The following EPB41L4B variants were observed in gnomAD, a reference collection of about 807,000 sequenced individuals.
EPB41L4B encodes the protein erythrocyte membrane protein band 4.1 like 4B.
EPB41L4B carries 30 observed loss-of-function variants against 112.5 expected under a neutral mutation model. That is an observed-to-expected ratio of 0.27 (90% confidence interval 0.20 to 0.36). The LOEUF (loss-of-function observed/expected upper bound fraction) is 0.36, where lower values mean the gene tolerates loss of function less well. Ranked by LOEUF, EPB41L4B falls within the 10% of genes least tolerant of loss-of-function variation. The probability of loss-of-function intolerance (pLI) is 1.00; values close to 1 mark genes in which losing one functional copy is unlikely to be tolerated. For missense variants in EPB41L4B, 1,024 were observed against 1,133.3 expected (o/e 0.90, Z 1.38); for synonymous variants, 408 against 439.7 (o/e 0.93, Z 0.90).
At chr9:109,270,855 A>T (rs1442181390) in intron 2 of EPB41L4B, among the ~76,000 whole-genome samples, 2 of 152,166 alleles carry the variant, frequency 1.3e-5, no homozygotes, top group African/African-American at 4.8e-5. Context: ...TATTACCATC[A>T]CTTGAGGAAC....
Position 109,258,302 on chromosome 9 carries a change from A to C in EPB41L4B, c.632-5T>G. 1 of 1,610,252 alleles carries C rather than the reference A, an allele frequency of 6.2e-7. No individual in the cohort carries two copies. Among genetic ancestry groups the C allele is most frequent in the Non-Finnish European group, 8.5e-7 (1 of 1,177,502 alleles). The stretch of plus-strand genomic sequence containing the variant: ...GCTCGCACTCCCCAAGCTCCGCTGT[A>C]AGTTTCATAAAAGGGAGGAAAATAG... On this transcript the variant is annotated splice_region_variant and splice_polypyrimidine_tract_variant and intron_variant, in intron 6 of 25. Transcript: ENST00000374566.
At chr9:109,298,272 C>T (rs964442141) in intron 1 of EPB41L4B, among the ~76,000 whole-genome samples, 2 of 151,190 alleles carry the variant, frequency 1.3e-5, no homozygotes, top group Non-Finnish European at 2.9e-5. Context: ...TTAGCCTTTC[C>T]TTACCCATTC....
At chr9:109,215,139 A>G (rs1833315556) in intron 16 of EPB41L4B, among the ~76,000 whole-genome samples, 1 of 152,176 alleles carries the variant, frequency 6.6e-6, no homozygotes, top group South Asian at 2.1e-4. Context: ...GACTCACACA[A>G]TATCAGAGCT....
rs1251846010 is a variant in EPB41L4B, at chr9:109,320,644, C to G, written c.-198G>C. 1 of 148,926 alleles carries G rather than the reference C, an allele frequency of 6.7e-6. No homozygotes were observed. The highest frequency in any genetic ancestry group is 2.5e-5 in the African/African-American group (1 of 40,474). 9.2% of individuals were successfully genotyped at this position (148,926 alleles called of 1,614,324 possible). On this transcript the variant is annotated 5_prime_UTR_variant, in exon 1 of 26. Transcript: ENST00000374566. ...CTAGCCGCCTGCGGGGCGCGCCGGC[C>G]CGGCCAGCGCCGGCTGCGAGTGGCC...
chr9:109,192,006 G>A (rs1281473019), intron 22 of EPB41L4B, among the ~76,000 whole-genome samples: 1 of 152,168 alleles, frequency 6.6e-6, no homozygotes, highest in Non-Finnish European at 1.5e-5. Flanking sequence ...AAAACACCGA[G>A]GAGCCCTATA....
intron 13 of EPB41L4B, among the ~76,000 whole-genome samples, chr9:109,248,693 C>G (rs1448832264): frequency 1.3e-5 from 2 of 152,108 alleles, no homozygotes; most frequent in Non-Finnish European, 2.9e-5. Flanking sequence ...AATCCTCCAG[C>G]CTCAACCTCC....
chr9:109,307,508 C>T (rs1237831185), intron 1 of EPB41L4B, among the ~76,000 whole-genome samples: 1 of 152,186 alleles, frequency 6.6e-6, no homozygotes, highest in Non-Finnish European at 1.5e-5. Flanking sequence ...GGGCCCCTCC[C>T]TGGACTTTAA....
chr9:109,281,693 TAA>T (rs1163700088), intron 1 of EPB41L4B, among the ~76,000 whole-genome samples: 3 of 91,646 alleles, frequency 3.3e-5, no homozygotes, highest in Non-Finnish European at 6.5e-5. Flanking sequence ...CATAAATAAA[TAA>T]ATAAATAAAT....
At position 109,251,528 on chromosome 9, in the gene EPB41L4B, G is replaced by C; in HGVS notation, c.1280-17C>G. 6.2e-7 allele frequency: 1 copy of C among 1,613,128 alleles called. No homozygotes were observed. Among genetic ancestry groups the C allele is most frequent in the Non-Finnish European group, 8.5e-7 (1 of 1,179,064 alleles). On this transcript the variant is annotated splice_polypyrimidine_tract_variant and intron_variant, in intron 12 of 25. Transcript: ENST00000374566. ...GGTTGCTTGCTATAAAGGAAAAACA[G>C]AAAGTTATGACATCTTAGAGAACTT...
intron 22 of EPB41L4B, among the ~76,000 whole-genome samples, chr9:109,186,794 T>G (rs1832286714): frequency 1.3e-5 from 2 of 152,136 alleles, no homozygotes; most frequent in Admixed American, 6.5e-5. Context: ...TAACATATAG[T>G]TGAGGATTTC....
Position 109,247,809 on chromosome 9 carries a change from A to G in EPB41L4B, c.1311-20T>C. ...TTAGAGCTAAACAAACAAACAAACA[A>G]AAAACAGAAAAAAAAAGAAAAATAG... On this transcript the variant is annotated intron_variant, in intron 13 of 25. Coordinates refer to ENST00000374566, the MANE Select transcript of EPB41L4B (RefSeq NM_019114.5). 6.8e-7 allele frequency: 1 copy of G among 1,477,284 alleles called. No individual in the cohort carries two copies. Among genetic ancestry groups the G allele is most frequent in the Non-Finnish European group, 9.0e-7 (1 of 1,110,482 alleles). 91.5% of individuals were successfully genotyped at this position (1,477,284 alleles called of 1,614,324 possible).
chr9:109,224,851 G>C (rs1833705809), intron 15 of EPB41L4B, among the ~76,000 whole-genome samples: 1 of 152,114 alleles, frequency 6.6e-6, no homozygotes, highest in South Asian at 2.1e-4. Flanking sequence ...TTGCACATGG[G>C]GGGATGGGGG....
chr9:109,255,400 C>T (rs1834938963), intron 11 of EPB41L4B, 111 bp downstream of exon 11: 9 of 1,324,412 alleles, frequency 6.8e-6, no homozygotes, highest in South Asian at 1.4e-5. Flanking sequence ...GGATGGGACA[C>T]ACAACCTAAG....
chr9:109,244,120 C>A (rs1051247908), intron 14 of EPB41L4B, among the ~76,000 whole-genome samples: 1 of 152,206 alleles, frequency 6.6e-6, no homozygotes, highest in Non-Finnish European at 1.5e-5. Flanking sequence ...GGAACAGTTA[C>A]ATCTGCACAC....
At chr9:109,242,519 A>G (rs1295762904) in intron 15 of EPB41L4B, among the ~76,000 whole-genome samples, 1 of 152,252 alleles carries the variant, frequency 6.6e-6, no homozygotes, top group Non-Finnish European at 1.5e-5. Context: ...TGAAGAATAA[A>G]GCACCTTTGA....
At chr9:109,247,839 T>C (rs1834619108) in intron 13 of EPB41L4B, 50 bp from the exon 14 acceptor site, 26 of 1,316,340 alleles carry the variant, frequency 2.0e-5, no homozygotes, top group South Asian at 3.1e-5. Flanking sequence ...AAATAGGTTG[T>C]AGAGTGGCAT....
intron 15 of EPB41L4B, among the ~76,000 whole-genome samples, chr9:109,231,321 A>G (rs904792306): frequency 6.6e-6 from 1 of 152,198 alleles, no homozygotes; most frequent in Non-Finnish European, 1.5e-5. Context: ...GTATGAATCC[A>G]TGCTAGATGG....
chr9:109,316,955 A>G (rs1162901776), intron 1 of EPB41L4B, among the ~76,000 whole-genome samples: 1 of 152,092 alleles, frequency 6.6e-6, no homozygotes, highest in Non-Finnish European at 1.5e-5. Context: ...AATTTTTTTA[A>G]TTAGCCGGGT....
At chr9:109,286,306 G>A (rs1836277896) in intron 1 of EPB41L4B, among the ~76,000 whole-genome samples, 1 of 152,014 alleles carries the variant, frequency 6.6e-6, no homozygotes. Flanking sequence ...AGAAAGAGAT[G>A]TTCTGGATGA....
Sources: allele counts gnomAD v4.1 joint callset (sites outside exome capture counted in the v4.1 genomes callset), GRCh38; gene constraint gnomAD v4.1.1; transcripts MANE v1.5; gene names NCBI Gene and HGNC (gene_info 2026-07-23, HGNC 2026-07-21).